NDUFA3: variants seen among roughly 807,000 people sequenced by gnomAD.
NDUFA3 encodes the protein NADH dehydrogenase [ubiquinone] 1 alpha subcomplex subunit 3.
A neutral mutation model predicts 11.4 loss-of-function variants in NDUFA3; 10 were observed. The ratio of observed to expected loss-of-function variants is 0.87; its 90% confidence interval spans 0.54 to 1.48. The LOEUF is 1.48. Among genes scored for constraint, NDUFA3 ranks in the 40% most tolerant of loss-of-function variants. The pLI, the probability that NDUFA3 is intolerant of heterozygous loss-of-function variation, is 0.00. For synonymous variants in NDUFA3, 39 were observed against 46.9 expected, an observed-to-expected ratio of 0.83 and a Z score of 0.68; for missense variants, 115 against 110.5, an observed-to-expected ratio of 1.04 and a Z score of -0.18.
intron 2 of NDUFA3, 107 bp from the exon 3 acceptor site, chr19:54,105,827 C>G: frequency 1.1e-6 from 1 of 917,756 alleles, no homozygotes; most frequent in Non-Finnish European, 1.8e-6. Flanking sequence ...GCCCTCCCTG[C>G]TGCCCTCCCC....
Position 54,106,887 on chromosome 19 carries a change from G to A in NDUFA3, c.240G>A (p.Trp80Ter). 6.2e-7 allele frequency: 1 copy of A among 1,612,990 alleles called. No homozygotes were observed. Among genetic ancestry groups the A allele is most frequent in the Non-Finnish European group, 8.5e-7 (1 of 1,179,678 alleles). ...ACCCTCAGGGCCCCAGCCTGGAGTGGCTGAAGAAACTGTGAGCACCTCCAC... is the reference window on the plus strand; with the variant it reads ...ACCCTCAGGGCCCCAGCCTGGAGTGACTGAAGAAACTGTGAGCACCTCCAC... ...PQDPQGPSLE[W>*]LKKL The change falls in exon 4 of 4, where the codon TGG becomes TGA. Residue 80 changes from tryptophan to a stop codon, truncating the protein, a stop_gained. Transcript: ENST00000485876. LOFTEE classifies it high-confidence loss of function.
At chr19:54,102,952 G>A in intron 1 of NDUFA3, 64 bp downstream of exon 1, 1 of 1,588,124 alleles carries the variant, frequency 6.3e-7, no homozygotes, top group Non-Finnish European at 8.6e-7. Flanking sequence ...GGCGGTCCTG[G>A]GACTGAGGTG....
intron 2 of NDUFA3, among the ~76,000 whole-genome samples, chr19:54,103,452 A>G (rs2073154724): frequency 6.6e-6 from 1 of 151,870 alleles, no homozygotes; most frequent in Admixed American, 6.6e-5. Flanking sequence ...CCTGAGCACC[A>G]AAAAAAAGTC....
chr19:54,106,681 G>A (rs1286062377), intron 3 of NDUFA3, 130 bp from the exon 4 acceptor site: 2 of 650,606 alleles, frequency 3.1e-6, no homozygotes, highest in Non-Finnish European at 5.0e-6. Context: ...CTGCATCACT[G>A]ATTCTCTGAC....
intron 3 of NDUFA3, 33 bp from the exon 4 acceptor site, chr19:54,106,778 G>T (rs1213651101): frequency 1.3e-6 from 2 of 1,571,944 alleles, no homozygotes; most frequent in Non-Finnish European, 1.7e-6. Flanking sequence ...CTGGAGACGT[G>T]CTGGTCTCAG....
Position 54,103,162 on chromosome 19 carries a change from T to G in NDUFA3, c.59T>G (p.Val20Gly), listed in dbSNP as rs761359763. 4.4e-6 allele frequency: 7 copies of G among 1,602,748 alleles called. No individual in the cohort carries two copies. In the East Asian group the frequency reaches 1.6e-4, roughly 36 times the overall value. The change falls in exon 2 of 4, where the codon GTC becomes GGC. Residue 20 changes from valine to glycine, a missense_variant. By Grantham distance (109) the Val-to-Gly change is moderately radical. Coordinates refer to ENST00000485876, the MANE Select transcript of NDUFA3 (RefSeq NM_004542.4). ...GCCTGGGACAAGGAGCCAGTGCTGG[T>G]CGTGTCCTTCGTCGTCGGGGGCCTC... ...KNAWDKEPVL[V>G]VSFVVGGLAV...
At position 54,105,942 on chromosome 19, in the gene NDUFA3, C is replaced by T; in HGVS notation, c.94C>T (p.Leu32=). The T allele has an allele frequency of 6.2e-7, 1 of 1,612,998 alleles. No homozygotes were observed. The change falls in exon 3 of 4, where the codon CTG becomes TTG. Residue 32 remains leucine, a synonymous_variant. Transcript: ENST00000485876. ...SFVVGGLAVI[L]PPLSPYFKYS... ...CCTGTGTCTCTCCACAGCTGTAATT[C>T]TGCCCCCATTGAGCCCCTACTTCAA...
chr19:54,102,959 G>C, intron 1 of NDUFA3, 71 bp downstream of exon 1: 1 of 1,579,002 alleles, frequency 6.3e-7, no homozygotes, highest in Non-Finnish European at 8.6e-7. Flanking sequence ...CTGGGACTGA[G>C]GTGCGGCAGG....
chr19:54,103,301 T>C (rs2073147530), intron 2 of NDUFA3, 113 bp downstream of exon 2: 2 of 1,084,574 alleles, frequency 1.8e-6, no homozygotes, highest in Admixed American at 2.9e-5. Context: ...CTAGTGTGTC[T>C]GCACCCCCAC....
chr19:54,106,079 A>G, intron 3 of NDUFA3, 68 bp downstream of exon 3: 1 of 1,455,060 alleles, frequency 6.9e-7, no homozygotes. Flanking sequence ...AAGGGCAGTT[A>G]TGGGCAGGTC....
chr19:54,104,406 G>A (rs192063467), intron 2 of NDUFA3, among the ~76,000 whole-genome samples: 41 of 152,252 alleles, frequency 2.7e-4, no homozygotes, highest in Non-Finnish European at 5.3e-4. Context: ...TGGGATTACA[G>A]GGGTGAGCCA....
At chr19:54,106,205 T>C in intron 3 of NDUFA3, 194 bp downstream of exon 3, 1 of 609,516 alleles carries the variant, frequency 1.6e-6, no homozygotes, top group Non-Finnish European at 2.8e-6. Flanking sequence ...TTTTGTTTTT[T>C]GGGGTTTTTT....
rs1282743895 is a variant in NDUFA3, at chr19:54,104,176, C to G, written c.85+988C>G. On this transcript the variant is annotated intron_variant, in intron 2 of 3. Transcript: ENST00000485876. ...TTTTTGAGATGGCGTCTCGCTCTGT[C>G]TTCCAGGCTACAGTGCAATGGTTTG... is the stretch of plus-strand genomic sequence containing the variant. Among the ~76,000 whole-genome samples, 12 of 120,778 alleles carry G rather than the reference C, an allele frequency of 9.9e-5. No individual in the cohort carries two copies. In the Admixed American group the frequency reaches 1.3e-3, roughly 13 times the overall value. The allele number at this position is 120,778 out of a possible 152,430, so 79.2% of individuals were successfully genotyped here. A position where few individuals can be genotyped will look rare whatever the true frequency, so the allele number is the denominator to read the frequency against.
chr19:54,105,862 C>T (rs2073243163), intron 2 of NDUFA3, 72 bp from the exon 3 acceptor site: 4 of 1,354,746 alleles, frequency 3.0e-6, no homozygotes, highest in East Asian at 4.6e-5. Flanking sequence ...TTCCCTTTGC[C>T]AAGGCTCACC....
Position 54,106,039 on chromosome 19 carries a change from G to A in NDUFA3, c.163+28G>A, listed in dbSNP as rs755506075. The A allele has an allele frequency of 1.5e-5, 23 of 1,583,566 alleles. No individual in the cohort carries two copies. The Middle Eastern group carries it at 5.0e-4, about 34-fold the overall frequency. ...GAGTGGGGGCCAGGCAGGGATCCCCGGAATAGGCCCAGCCTCCCTGTGCTG... is the reference window on the plus strand; with the variant it reads ...GAGTGGGGGCCAGGCAGGGATCCCCAGAATAGGCCCAGCCTCCCTGTGCTG... On this transcript the variant is annotated intron_variant, in intron 3 of 3. Transcript: ENST00000485876.
intron 2 of NDUFA3, 171 bp from the exon 3 acceptor site, chr19:54,105,763 C>T (rs1414640832): frequency 1.5e-6 from 1 of 688,082 alleles, no homozygotes; most frequent in African/African-American, 1.8e-5. Context: ...GTTTTAAACC[C>T]TCCTGTCTAT....
At chr19:54,106,169 T>A (rs953267933) in intron 3 of NDUFA3, 158 bp downstream of exon 3, 8 of 676,432 alleles carry the variant, frequency 1.2e-5, no homozygotes, top group African/African-American at 1.8e-5. Flanking sequence ...ATATAATTCG[T>A]ATACTATTCT....
rs1266568831 is a variant in NDUFA3 at position 54,106,892 on chromosome 19, A to G, written c.245A>G (p.Lys82Arg). ...CAGGGCCCCAGCCTGGAGTGGCTGA[A>G]GAAACTGTGAGCACCTCCACTGACA... ...DPQGPSLEWL[K>R]KL The change falls in exon 4 of 4, where the codon AAG (lysine) becomes AGG (arginine). Residue 82 changes from lysine (K) to arginine (R), a missense_variant. Transcript: ENST00000485876. 1 of 1,612,672 alleles carries G rather than the reference A, an allele frequency of 6.2e-7. No homozygotes were observed. The highest frequency in any genetic ancestry group is 1.3e-5 in the African/African-American group (1 of 74,858).
At chr19:54,104,679 A>G (rs1246516304) in intron 2 of NDUFA3, among the ~76,000 whole-genome samples, 1 of 152,090 alleles carries the variant, frequency 6.6e-6, no homozygotes, top group African/African-American at 2.4e-5. Flanking sequence ...TAAACTACCA[A>G]TAATCTTTTG....
Sources: allele counts gnomAD v4.1 joint callset (sites outside exome capture counted in the v4.1 genomes callset), GRCh38; gene constraint gnomAD v4.1.1; transcripts MANE v1.5; gene names NCBI Gene and HGNC (gene_info 2026-07-23, HGNC 2026-07-21).